ZC2HC1B: variants seen among roughly 807,000 people sequenced by gnomAD.
ZC2HC1B encodes zinc finger C2HC domain-containing protein 1B.
In ZC2HC1B, 36 loss-of-function variants were observed where a neutral mutation model predicts 31.0. The observed-to-expected ratio is 1.16, with a 90% CI of 0.89 to 1.54. The LOEUF (loss-of-function observed/expected upper bound fraction) is 1.54, where lower values mean the gene tolerates loss of function less well. ZC2HC1B is among the 40% of genes most tolerant of loss of function. The probability of loss-of-function intolerance (pLI) is 0.00; values close to 1 mark genes in which losing one functional copy is unlikely to be tolerated. For synonymous variants in ZC2HC1B, 73 were observed against 88.0 expected (o/e 0.83, Z 0.95); for missense variants, 260 against 268.6 (o/e 0.97, Z 0.22).
In ZC2HC1B at chr6:143,917,051, C is replaced by A. The variant is rs559694106; in HGVS notation, c.598+13899C>A. On this transcript the variant is annotated intron_variant, in intron 6 of 7. Coordinates refer to ENST00000237275, the MANE Select transcript of ZC2HC1B (RefSeq NM_001013623.3). The surrounding 1 kb of genome is among the most constrained non-coding windows in gnomAD (Gnocchi z 4.1). The stretch of plus-strand genomic sequence containing the variant: ...CCTACCCAAATATCATCTTGAATTC[C>A]CATGTGTTTTTGGAGGGACCCAGTG... Among the ~76,000 whole-genome samples the A allele has an allele frequency of 1.3e-5, 2 of 152,214 alleles. No homozygotes were observed. The highest frequency in any genetic ancestry group is 4.8e-5 in the African/African-American group (2 of 41,550).
intron 6 of ZC2HC1B, among the ~76,000 whole-genome samples, chr6:143,914,007 T>C (rs1271153904): frequency 1.3e-5 from 2 of 152,240 alleles, no homozygotes; most frequent in Non-Finnish European, 2.9e-5. Flanking sequence ...CCAATGGTTT[T>C]TCAATTTATT....
chr6:143,898,789 A>C (rs778774310), intron 5 of ZC2HC1B, 98 bp downstream of exon 5: 22 of 1,424,552 alleles, frequency 1.5e-5, no homozygotes, highest in Non-Finnish European at 2.1e-5. Flanking sequence ...CATCCTAAGA[A>C]GTGTAAGCGT....
At chr6:143,907,956 A>G (rs764167515) in intron 6 of ZC2HC1B, among the ~76,000 whole-genome samples, 22 of 152,282 alleles carry the variant, frequency 1.4e-4, no homozygotes, top group Admixed American at 2.0e-4. Flanking sequence ...ATTTTTGCAG[A>G]TGGTGTAAGG....
chr6:143,936,111 T>C (rs1257986408), intron 6 of ZC2HC1B, among the ~76,000 whole-genome samples: 1 of 152,148 alleles, frequency 6.6e-6, no homozygotes, highest in Non-Finnish European at 1.5e-5. Flanking sequence ...TATAACAGTT[T>C]TAAAATTCAT....
At chr6:143,867,243 T>C (rs1360155643) in intron 1 of ZC2HC1B, among the ~76,000 whole-genome samples, 2 of 152,240 alleles carry the variant, frequency 1.3e-5, no homozygotes, top group Non-Finnish European at 2.9e-5. Context: ...TATTTCCTTC[T>C]TTTTTAAAGC....
chr6:143,881,586 G>C (rs926275913), intron 1 of ZC2HC1B: 3 of 144,498 alleles, frequency 2.1e-5, no homozygotes, highest in Non-Finnish European at 3.0e-5. Context: ...AAGAAAAAGT[G>C]GTCTTTTTAT....
In ZC2HC1B at chr6:143,868,075, TC is replaced by T. The variant is rs1777288718; in HGVS notation, c.28+3510del. Among the ~76,000 whole-genome samples, 1 of 152,206 alleles carries T rather than the reference TC, an allele frequency of 6.6e-6. No homozygotes were observed. Among genetic ancestry groups the T allele is most frequent in the African/African-American group, 2.4e-5 (1 of 41,448 alleles). On this transcript the variant is annotated intron_variant, in intron 1 of 7. Coordinates refer to ENST00000237275, the MANE Select transcript of ZC2HC1B (RefSeq NM_001013623.3). The surrounding 1 kb of genome is among the most constrained non-coding windows in gnomAD (Gnocchi z 4.2). ...TACCTCAGAAGTTTAAAGGGTTTCT[TC>T]CATTTGTTTCCATTTCCAATTTTGC...
At chr6:143,930,381 C>CTTTTTTT (rs34308015) in intron 6 of ZC2HC1B, among the ~76,000 whole-genome samples, 2 of 111,770 alleles carry the variant, frequency 1.8e-5, no homozygotes, top group Non-Finnish European at 3.5e-5. Flanking sequence ...TTGAGAGTTT[C>CTTTTTTT]TTTTTTTTTT....
chr6:143,888,054 T>C (rs1777551632), intron 4 of ZC2HC1B, among the ~76,000 whole-genome samples: 1 of 152,160 alleles, frequency 6.6e-6, no homozygotes, highest in African/African-American at 2.4e-5. Context: ...TGTTTAGATT[T>C]TTTAAAATCT....
chr6:143,932,582 T>G (rs1778132753), intron 6 of ZC2HC1B, among the ~76,000 whole-genome samples: 1 of 152,230 alleles, frequency 6.6e-6, no homozygotes, highest in Admixed American at 6.5e-5. Context: ...TTGAAATTTA[T>G]TTAAGTTGGC....
intron 4 of ZC2HC1B, among the ~76,000 whole-genome samples, chr6:143,894,917 TA>T (rs1368993603): frequency 1.3e-5 from 2 of 152,056 alleles, no homozygotes; most frequent in Non-Finnish European, 2.9e-5. Flanking sequence ...ATTGTTTCTC[TA>T]AAAAAAATTC....
At chr6:143,916,540 G>T (rs147015831) in intron 6 of ZC2HC1B, among the ~76,000 whole-genome samples, 1 of 152,188 alleles carries the variant, frequency 6.6e-6, no homozygotes, top group Non-Finnish European at 1.5e-5. Context: ...TGGAAAAGCC[G>T]CAGACACTCA....
At chr6:143,898,370 A>G (rs1290988032) in intron 4 of ZC2HC1B, among the ~76,000 whole-genome samples, 182 bp from the exon 5 acceptor site, 1 of 152,160 alleles carries the variant, frequency 6.6e-6, no homozygotes, top group Non-Finnish European at 1.5e-5. Flanking sequence ...CGTGTTGCCC[A>G]GGCTGGTCTC....
intron 1 of ZC2HC1B, among the ~76,000 whole-genome samples, chr6:143,876,860 T>G (rs1339440759): frequency 6.6e-6 from 1 of 150,450 alleles, no homozygotes; most frequent in African/African-American, 2.5e-5. Flanking sequence ...CTTTATATTC[T>G]AGCCTTGCTG....
rs1777249310 is a variant in ZC2HC1B, at chr6:143,865,605, T to G, written c.28+1038T>G. 6.6e-6 allele frequency among the ~76,000 whole-genome samples: 1 copy of G among 152,210 alleles called. No homozygotes were observed. Among genetic ancestry groups the G allele is most frequent in the Admixed American group, 6.5e-5 (1 of 15,280 alleles). On this transcript the variant is annotated intron_variant, in intron 1 of 7. Coordinates refer to ENST00000237275, the MANE Select transcript of ZC2HC1B (RefSeq NM_001013623.3). This position sits in a 1 kb window ranked among gnomAD's most constrained non-coding sequence, Gnocchi z 4.4. ...AGGACAAACCCTGAAGGCACAGTGT[T>G]TTATTTATTGCTTTATCCTTAGGTC...
chr6:143,879,290 G>A (rs1012326547), intron 1 of ZC2HC1B, among the ~76,000 whole-genome samples: 6 of 152,108 alleles, frequency 3.9e-5, no homozygotes, highest in Admixed American at 2.6e-4. Context: ...CAAATTTTAG[G>A]TTTCTTGTTT....
chr6:143,937,539 AAAG>A, intron 6 of ZC2HC1B, 107 bp from the exon 7 acceptor site: 4 of 970,600 alleles, frequency 4.1e-6, no homozygotes, highest in Non-Finnish European at 4.4e-6. Flanking sequence ...CCACCAAAAA[AAAG>A]GAAGAATAGA....
chr6:143,893,729 C>G (rs1028754000), intron 4 of ZC2HC1B, among the ~76,000 whole-genome samples: 3 of 151,966 alleles, frequency 2.0e-5, no homozygotes, highest in Non-Finnish European at 4.4e-5. Flanking sequence ...CTCTGTCACC[C>G]AGGCTGGAGT....
rs975627834 is a variant in ZC2HC1B, at chr6:143,918,439, G to C, written c.598+15287G>C. On this transcript the variant is annotated intron_variant, in intron 6 of 7. Coordinates refer to ENST00000237275, the MANE Select transcript of ZC2HC1B (RefSeq NM_001013623.3). This position sits in a 1 kb window ranked among gnomAD's most constrained non-coding sequence, Gnocchi z 4.1. ...TGATGAGAAGTCTGCTGATCTTATT[G>C]AACATTCCTGGTTTGTGACAGGTCA... is the stretch of plus-strand genomic sequence containing the variant. Among the ~76,000 whole-genome samples the C allele has an allele frequency of 6.6e-6, 1 of 152,078 alleles. No individual in the cohort carries two copies. The highest frequency in any genetic ancestry group is 6.5e-5 in the Admixed American group (1 of 15,276).
Sources: gnomAD v4.1 joint callset for allele counts (sites outside exome capture counted in the v4.1 genomes callset) on GRCh38, gnomAD v4.1.1 for gene constraint, Gnocchi (gnomAD v3.1) non-coding constraint, MANE v1.5 for transcripts, NCBI Gene and HGNC (gene_info 2026-07-23, HGNC 2026-07-21) for gene names.